Variants in DOCK10 observed in about 807,000 individuals in gnomAD.
The protein encoded by DOCK10 is dedicator of cytokinesis protein 10.
A neutral mutation model predicts 280.1 loss-of-function variants in DOCK10; 145 were observed. The observed-to-expected ratio is 0.52, with a 90% CI of 0.45 to 0.59. The LOEUF (loss-of-function observed/expected upper bound fraction) is 0.59, where lower values mean the gene tolerates loss of function less well. DOCK10 is among the 20% of genes least tolerant of loss of function. DOCK10 has a pLI of 0.00. For synonymous variants in DOCK10, 915 were observed against 942.2 expected (o/e 0.97, Z 0.53); for missense variants, 2,368 against 2,651.7 (o/e 0.89, Z 2.35).
chr2:224,859,186 A>C (rs1344926012), intron 14 of DOCK10, among the ~76,000 whole-genome samples: 1 of 152,210 alleles, frequency 6.6e-6, no homozygotes, highest in Non-Finnish European at 1.5e-5. Context: ...GGAATCTTAA[A>C]TGACAGCTGC....
At position 224,806,128 on chromosome 2, in the gene DOCK10, G is replaced by T. The variant is rs375740801; in HGVS notation, c.3812C>A (p.Ala1271Glu). The change falls in exon 34 of 56, where the codon GCA becomes GAA. Residue 1271 changes from alanine (A) to glutamate (E), a missense_variant and splice_region_variant. Ala to Glu is a moderately radical substitution (Grantham distance 107, BLOSUM62 -1). This residue lies in a region of DOCK10 where 1,159 missense variants were observed against 1,400.8 expected (regional missense o/e 0.83). Coordinates refer to ENST00000258390, the MANE Select transcript of DOCK10 (RefSeq NM_014689.3). Reference sequence around the variant, plus strand: ...TGTTCTCAGAAGATCTCAAGTACCTGCTATGGAATTTAAAACATCTTTAGA... The same window carrying T: ...TGTTCTCAGAAGATCTCAAGTACCTTCTATGGAATTTAAAACATCTTTAGA... Reference protein sequence around the residue: ...SFSKDVLNSIAAFSSIAISTV... With the variant: ...SFSKDVLNSIEAFSSIAISTV... The T allele has an allele frequency of 4.8e-4, 751 of 1,570,538 alleles. No homozygotes were observed. The highest frequency in any genetic ancestry group is 6.3e-4 in the Non-Finnish European group (716 of 1,144,162).
chr2:224,905,338 C>T (rs781568632), intron 3 of DOCK10, among the ~76,000 whole-genome samples: 18 of 147,790 alleles, frequency 1.2e-4, no homozygotes, highest in Non-Finnish European at 2.1e-4. Context: ...AGCTCCGCTT[C>T]CCGGGTTCAC....
intron 50 of DOCK10, among the ~76,000 whole-genome samples, chr2:224,779,193 G>A (rs142320658): frequency 3.0e-4 from 45 of 151,508 alleles, no homozygotes; most frequent in African/African-American, 9.7e-4. Flanking sequence ...GATTAAGTTC[G>A]GAGTTAAGAA....
chr2:225,024,370 G>A (rs1689861450), intron 1 of DOCK10, among the ~76,000 whole-genome samples: 1 of 151,934 alleles, frequency 6.6e-6, no homozygotes, highest in Non-Finnish European at 1.5e-5. Context: ...GAAGTAAAGG[G>A]GCATCATGTC....
chr2:224,892,811 C>T (rs1296234461), intron 4 of DOCK10, among the ~76,000 whole-genome samples: 4 of 152,182 alleles, frequency 2.6e-5, no homozygotes, highest in Non-Finnish European at 5.9e-5. Context: ...TTCTTATTTC[C>T]CAATCCGGTT....
intron 4 of DOCK10, among the ~76,000 whole-genome samples, chr2:224,890,032 GA>G (rs1190472606): frequency 1.3e-5 from 2 of 152,264 alleles, no homozygotes; most frequent in African/African-American, 2.4e-5. Flanking sequence ...CCAAGTGAAT[GA>G]AAAAAGAGTG....
At position 224,805,458 on chromosome 2, in the gene DOCK10, T is replaced by C. The variant is rs765675283; in HGVS notation, c.3886A>G (p.Asn1296Asp). The change falls in exon 35 of 56, where the codon AAT (asparagine) becomes GAT (aspartate). Residue 1296 changes from asparagine (N) to aspartate (D), a missense_variant. Asn to Asp is a conservative substitution (Grantham distance 23). Around this residue, in one of 2 missense-constraint regions of DOCK10, gnomAD observed 1,159 missense variants for 1,400.8 expected, o/e 0.83. Transcript: ENST00000258390. The surrounding 1 kb of genome is among the most constrained non-coding windows in gnomAD (Gnocchi z 4.3). Reference protein sequence around the residue: ...SRASLASLDSNPSTNEKSSEK... With the variant: ...SRASLASLDSDPSTNEKSSEK... ...CTGCTCTTCTCATTGGTACTTGGAT[T>C]GGAGTCAAGACTTGCTAAAGATGCT... The C allele has an allele frequency of 6.2e-7, 1 of 1,612,704 alleles. No individual in the cohort carries two copies. Among genetic ancestry groups the C allele is most frequent in the African/African-American group, 1.3e-5 (1 of 74,840 alleles).
chr2:225,032,886 G>A (rs767022711), intron 1 of DOCK10, among the ~76,000 whole-genome samples: 22 of 152,314 alleles, frequency 1.4e-4, no homozygotes, highest in Admixed American at 2.6e-4. Context: ...AGGCCAAAGA[G>A]TCACTGGTCA....
At chr2:224,776,380 T>C (rs763108010) in intron 51 of DOCK10, among the ~76,000 whole-genome samples, 18 of 152,176 alleles carry the variant, frequency 1.2e-4, no homozygotes, top group Non-Finnish European at 2.4e-4. Context: ...AGTGGTGGGA[T>C]GGTGGAATGA....
At chr2:224,829,205 T>C (rs1056010169) in intron 27 of DOCK10, among the ~76,000 whole-genome samples, 1 of 152,204 alleles carries the variant, frequency 6.6e-6, no homozygotes, top group Non-Finnish European at 1.5e-5. Flanking sequence ...TCTGCCCTGA[T>C]AGAGTGGGGA....
In DOCK10 at chr2:224,874,255, T is replaced by C; in HGVS notation, c.1101+11A>G. On this transcript the variant is annotated intron_variant, in intron 10 of 55. Transcript: ENST00000258390. ...CAAGTTCATATCTGCTTAGAAAAAATTTTGACTTACATCTATGTCTGGATC... is the reference window on the plus strand; with the variant it reads ...CAAGTTCATATCTGCTTAGAAAAAACTTTGACTTACATCTATGTCTGGATC... 8 of 1,610,876 alleles carry C rather than the reference T, an allele frequency of 5.0e-6. No individual in the cohort carries two copies. The highest frequency in any genetic ancestry group is 6.8e-6 in the Non-Finnish European group (8 of 1,178,554).
At chr2:224,777,182 AGGTAACT>A (rs1707124344) in intron 51 of DOCK10, among the ~76,000 whole-genome samples, 1 of 152,234 alleles carries the variant, frequency 6.6e-6, no homozygotes, top group South Asian at 2.1e-4. Flanking sequence ...GCCAAGAGGA[AGGTAACT>A]GAATGTTCAA....
chr2:224,879,518 G>A (rs1203586141), intron 7 of DOCK10, among the ~76,000 whole-genome samples: 2 of 152,182 alleles, frequency 1.3e-5, no homozygotes, highest in African/African-American at 4.8e-5. Context: ...AGCGCTTTAG[G>A]AGGCCAAGGC....
intron 1 of DOCK10, among the ~76,000 whole-genome samples, chr2:225,004,638 T>A (rs1706522405): frequency 6.6e-6 from 1 of 152,228 alleles, no homozygotes; most frequent in African/African-American, 2.4e-5. Flanking sequence ...TGAATTGACA[T>A]CCTTCTGACT....
chr2:224,874,717 C>T lies in DOCK10; in HGVS notation c.966G>A (p.Thr322=), dbSNP rs774888257. 45 of 1,613,784 alleles carry T rather than the reference C, an allele frequency of 2.8e-5. No individual in the cohort carries two copies. The highest frequency in any genetic ancestry group is 3.2e-5 in the Non-Finnish European group (38 of 1,179,836). The change falls in exon 9 of 56, where the codon ACG becomes ACA. Residue 322 remains threonine (T), a synonymous_variant. Coordinates refer to ENST00000258390, the MANE Select transcript of DOCK10 (RefSeq NM_014689.3). The stretch of plus-strand genomic sequence containing the variant: ...TCTCTGAAGAATCTGTTTCCTCTGG[C>T]GTGCATTCACAAGTTACAGAATTAT... ...SLDNSVTCEC[T]PEETDSSENN... is the part of the protein sequence containing the mutation.
chr2:224,982,756 A>G (rs1331616639), intron 1 of DOCK10, among the ~76,000 whole-genome samples: 1 of 151,936 alleles, frequency 6.6e-6, no homozygotes, highest in African/African-American at 2.4e-5. Context: ...CTGACTTTAC[A>G]CTCACAATTT....
intron 1 of DOCK10, among the ~76,000 whole-genome samples, chr2:225,030,048 A>C (rs1295586083): frequency 6.6e-6 from 1 of 151,480 alleles, no homozygotes; most frequent in African/African-American, 2.4e-5. Flanking sequence ...TGGGAGGCTG[A>C]GGCAGAAGAA....
Position 224,969,614 on chromosome 2 carries a change from C to T in DOCK10, c.124-37946G>A, listed in dbSNP as rs2126203693. ...GATACTACCCCAGTTCTATTAATCA[C>T]AGATTTGCTATGCTTCACTCAATTT... On this transcript the variant is annotated intron_variant, in intron 1 of 55. Transcript: ENST00000258390. 3.3e-5 allele frequency among the ~76,000 whole-genome samples: 5 copies of T among 152,286 alleles called. 2 individuals are homozygous for T. In the Middle Eastern group the frequency reaches 0.017, roughly 518 times the overall value.
intron 40 of DOCK10, among the ~76,000 whole-genome samples, chr2:224,801,282 C>CAAA (rs3083075): frequency 0.14 from 10,170 of 74,448 alleles, 988 homozygotes; most frequent in African/African-American, 0.24. Flanking sequence ...CAAGACATGG[C>CAAA]AAAAAAAAAA....
Sources: gnomAD v4.1 joint callset for allele counts (sites outside exome capture counted in the v4.1 genomes callset) on GRCh38, gnomAD v4.1.1 for gene constraint, gnomAD v4.1.1 regional missense constraint, Gnocchi (gnomAD v3.1) non-coding constraint, MANE v1.5 for transcripts, NCBI Gene and HGNC (gene_info 2026-07-23, HGNC 2026-07-21) for gene names.